The following KCND3 variants were observed in gnomAD, a reference collection of about 807,000 sequenced individuals.
The protein encoded by KCND3 is A-type voltage-gated potassium channel KCND3.
Under a neutral mutation model 51.1 loss-of-function variants are expected in KCND3, and 9 were observed. The ratio of observed to expected loss-of-function variants is 0.18; its 90% confidence interval spans 0.11 to 0.31. The LOEUF is 0.31. Among genes scored for constraint, KCND3 ranks in the 10% least tolerant of loss-of-function variants. The pLI is 1.00. For synonymous variants in KCND3, 349 were observed against 368.0 expected (o/e 0.95, Z 0.59); for missense variants, 526 against 903.8 (o/e 0.58, Z 5.36).
At position 111,777,088 on chromosome 1, in the gene KCND3, G is replaced by A. The variant is rs1457451483; in HGVS notation, c.1704C>T (p.Arg568=). The stretch of plus-strand genomic sequence containing the variant: ...GGATCGTGCTGAGCTCTTGCATGCT[G>A]CGCAGGCGAGTAGCTGGCAGGTTAG... ...PNSNLPATRL[R]SMQELSTIHI... Residue 568 remains arginine, a synonymous_variant, in exon 7 of 8, where the codon CGC becomes CGT. Transcript: ENST00000302127. 6.2e-7 allele frequency: 1 copy of A among 1,614,074 alleles called. No homozygotes were observed. Among genetic ancestry groups the A allele is most frequent in the Non-Finnish European group, 8.5e-7 (1 of 1,179,936 alleles).
chr1:111,909,627 G>A (rs1272727551), intron 2 of KCND3: 1 of 152,176 alleles, frequency 6.6e-6, no homozygotes, highest in African/African-American at 2.4e-5. Context: ...TGTCACCATG[G>A]TCATTGCTTC....
intron 2 of KCND3, among the ~76,000 whole-genome samples, chr1:111,885,231 G>A (rs1271263596): frequency 6.6e-6 from 1 of 152,204 alleles, no homozygotes; most frequent in East Asian, 1.9e-4. Context: ...GCAGGACACT[G>A]TGTACCCGCA....
intron 2 of KCND3, among the ~76,000 whole-genome samples, chr1:111,955,345 T>C (rs925082384): frequency 6.6e-6 from 1 of 151,864 alleles, no homozygotes; most frequent in Non-Finnish European, 1.5e-5. Context: ...GCCCAGGAGG[T>C]TGGGGCTGCA....
chr1:111,882,430 C>T (rs1669376751), intron 2 of KCND3, among the ~76,000 whole-genome samples: 1 of 152,218 alleles, frequency 6.6e-6, no homozygotes, highest in African/African-American at 2.4e-5. Flanking sequence ...CTGCCCCAAG[C>T]CCAGAACCTC....
intron 2 of KCND3, among the ~76,000 whole-genome samples, chr1:111,921,293 C>T (rs1324000428): frequency 6.6e-6 from 1 of 152,192 alleles, no homozygotes; most frequent in Non-Finnish European, 1.5e-5. Flanking sequence ...TACAGCCGTA[C>T]AGCATAAGGG....
At chr1:111,795,170 CCTTT>C (rs1477676712) in intron 2 of KCND3, among the ~76,000 whole-genome samples, 1 of 152,190 alleles carries the variant, frequency 6.6e-6, no homozygotes, top group Non-Finnish European at 1.5e-5. Context: ...TATCACCTCT[CCTTT>C]CTACCACATG....
At chr1:111,913,136 C>T (rs1405141438) in intron 2 of KCND3, among the ~76,000 whole-genome samples, 1 of 152,122 alleles carries the variant, frequency 6.6e-6, no homozygotes, top group Non-Finnish European at 1.5e-5. Context: ...TTTTACTGTA[C>T]CTTTTCTATG....
At chr1:111,908,766 T>A (rs1670770745) in intron 2 of KCND3, among the ~76,000 whole-genome samples, 1 of 152,102 alleles carries the variant, frequency 6.6e-6, no homozygotes, top group Non-Finnish European at 1.5e-5. Context: ...TCTTCTCCTA[T>A]CATAGAAAGG....
In KCND3 at chr1:111,877,753, G is replaced by C. The variant is rs531107965; in HGVS notation, c.1107-90647C>G. On this transcript the variant is annotated intron_variant, in intron 2 of 7. Coordinates refer to ENST00000302127, the MANE Select transcript of KCND3 (RefSeq NM_001378969.1). ...GCAGGGGCAGAGGGATAGAGTCCTTGACCTTCCTCTTGAAATAAGTTCATC... is the reference window on the plus strand; with the variant it reads ...GCAGGGGCAGAGGGATAGAGTCCTTCACCTTCCTCTTGAAATAAGTTCATC... Among the ~76,000 whole-genome samples the C allele has an allele frequency of 2.0e-5, 3 of 152,338 alleles. No individual in the cohort carries two copies. The East Asian group carries it at 5.8e-4, about 29-fold the overall frequency.
chr1:111,837,324 A>C, intron 2 of KCND3, among the ~76,000 whole-genome samples: 1 of 152,166 alleles, frequency 6.6e-6, no homozygotes, highest in East Asian at 1.9e-4. Flanking sequence ...TCTCTGAGAT[A>C]CCAGATATCC....
At chr1:111,872,464 T>G (rs1668868219) in intron 2 of KCND3, among the ~76,000 whole-genome samples, 1 of 152,266 alleles carries the variant, frequency 6.6e-6, no homozygotes, top group South Asian at 2.1e-4. Flanking sequence ...TAACATTCTA[T>G]GGAACAATGT....
At chr1:111,920,510 C>T (rs1671427777) in intron 2 of KCND3, among the ~76,000 whole-genome samples, 1 of 152,276 alleles carries the variant, frequency 6.6e-6, no homozygotes, top group Non-Finnish European at 1.5e-5. Context: ...CCTCCCAGTG[C>T]TGGGTGCTTC....
intron 2 of KCND3, among the ~76,000 whole-genome samples, chr1:111,925,239 A>G (rs1198513367): frequency 1.3e-5 from 2 of 152,230 alleles, no homozygotes; most frequent in Non-Finnish European, 2.9e-5. Context: ...TATGAGATGT[A>G]TTGAACAAGA....
chr1:111,884,824 AT>A (rs1053031637), intron 2 of KCND3, among the ~76,000 whole-genome samples: 2 of 152,090 alleles, frequency 1.3e-5, no homozygotes, highest in Non-Finnish European at 2.9e-5. Flanking sequence ...ACTTAAAAAA[AT>A]TTTTTGGTAA....
intron 2 of KCND3, among the ~76,000 whole-genome samples, chr1:111,847,248 C>T (rs918226055): frequency 6.6e-6 from 1 of 152,140 alleles, no homozygotes; most frequent in African/African-American, 2.4e-5. Flanking sequence ...ATCACAGAGA[C>T]AGGCCAAAGA....
At chr1:111,801,577 G>A (rs1243622286) in intron 2 of KCND3, among the ~76,000 whole-genome samples, 2 of 152,190 alleles carry the variant, frequency 1.3e-5, no homozygotes, top group East Asian at 1.9e-4. Flanking sequence ...GTGACCAGAG[G>A]AGTCTTAGCC....
intron 2 of KCND3, among the ~76,000 whole-genome samples, chr1:111,925,426 T>C (rs1239400843): frequency 6.6e-6 from 1 of 152,218 alleles, no homozygotes; most frequent in Non-Finnish European, 1.5e-5. Flanking sequence ...TACTGCATCA[T>C]TCTCACTTGA....
chr1:111,848,756 C>T (rs376009095), intron 2 of KCND3, among the ~76,000 whole-genome samples: 3 of 152,276 alleles, frequency 2.0e-5, no homozygotes, highest in Admixed American at 6.5e-5. Flanking sequence ...TCCATTCTTG[C>T]CTGTAGGATG....
At chr1:111,935,164 T>C (rs375096841) in intron 2 of KCND3, among the ~76,000 whole-genome samples, 1 of 152,242 alleles carries the variant, frequency 6.6e-6, no homozygotes, top group Non-Finnish European at 1.5e-5. Flanking sequence ...ACGAACTTTA[T>C]TGAAATATCA....
Sources: gnomAD v4.1 joint callset for allele counts (sites outside exome capture counted in the v4.1 genomes callset) on GRCh38, gnomAD v4.1.1 for gene constraint, MANE v1.5 for transcripts, NCBI Gene and HGNC (gene_info 2026-07-23, HGNC 2026-07-21) for gene names.